The following RYR3 variants were observed in gnomAD, a reference collection of about 807,000 sequenced individuals.
RYR3 encodes the protein ryanodine receptor 3, also known as brain ryanodine receptor-calcium release channel.
A neutral mutation model predicts 584.3 loss-of-function variants in RYR3; 207 were observed. The observed-to-expected ratio is 0.35, with a 90% CI of 0.32 to 0.40. RYR3 has a LOEUF of 0.40. Ranked by LOEUF, RYR3 falls within the 10% of genes least tolerant of loss-of-function variation. The pLI, the probability that RYR3 is intolerant of heterozygous loss-of-function variation, is 1.00. For synonymous variants in RYR3, 2,416 were observed against 2,248.5 expected, an observed-to-expected ratio of 1.07 and a Z score of -2.11; for missense variants, 5,616 against 6,089.2, an observed-to-expected ratio of 0.92 and a Z score of 2.59.
intron 10 of RYR3, among the ~76,000 whole-genome samples, chr15:33,552,458 G>A (rs2056757540): frequency 6.6e-6 from 1 of 152,202 alleles, no homozygotes. Context: ...CATCGGCATA[G>A]CAGAGCTGGG....
chr15:33,494,919 T>G (rs1247735761), intron 2 of RYR3, among the ~76,000 whole-genome samples: 1 of 152,208 alleles, frequency 6.6e-6, no homozygotes, highest in African/African-American at 2.4e-5. Flanking sequence ...CTCAAAATCT[T>G]TAAAATCTGA....
intron 38 of RYR3, among the ~76,000 whole-genome samples, chr15:33,694,112 G>A (rs1050561390): frequency 6.6e-6 from 1 of 151,828 alleles, no homozygotes; most frequent in African/African-American, 2.4e-5. Context: ...TTTGGCCAGC[G>A]AACAAATCCT....
rs143373949 is a variant in RYR3 at position 33,711,235 on chromosome 15, A to ATT, written c.6619+4206_6619+4207dup. ...AGCAGCCATGCCACTTCTTTCTTTC[A>ATT]TTTTTTTTTTTTTTTTTTTTTTTTT... On this transcript the variant is annotated intron_variant, in intron 43 of 103. Coordinates refer to ENST00000634891, the MANE Select transcript of RYR3 (RefSeq NM_001036.6). Among the ~76,000 whole-genome samples the ATT allele has an allele frequency of 6.1e-3, 463 of 75,812 alleles. 41 individuals are homozygous for ATT. The highest frequency in any genetic ancestry group is 0.022 in the African/African-American group (419 of 18,778). The allele number at this position is 75,812 out of a possible 152,430, so 49.7% of individuals were successfully genotyped here.
intron 102 of RYR3, 124 bp downstream of exon 102, chr15:33,861,302 G>C: frequency 3.2e-6 from 2 of 627,230 alleles, no homozygotes; most frequent in South Asian, 1.8e-5. Flanking sequence ...GTCCCCATGA[G>C]CCTGTACCTT....
chr15:33,394,455 T>A (rs2042182467), intron 1 of RYR3, among the ~76,000 whole-genome samples: 1 of 152,192 alleles, frequency 6.6e-6, no homozygotes, highest in South Asian at 2.1e-4. Flanking sequence ...CCATGTGGTT[T>A]AGATTGGCCC....
intron 1 of RYR3, among the ~76,000 whole-genome samples, chr15:33,395,086 C>CGT (rs1371156274): frequency 6.6e-6 from 1 of 152,120 alleles, no homozygotes; most frequent in Non-Finnish European, 1.5e-5. Flanking sequence ...TAGACAATAC[C>CGT]GTGTGTTATT....
At chr15:33,823,309 C>CTGT (rs2077206356) in intron 81 of RYR3, among the ~76,000 whole-genome samples, 1 of 152,186 alleles carries the variant, frequency 6.6e-6, no homozygotes, top group African/African-American at 2.4e-5. Context: ...TCCCCCACTG[C>CTGT]TGTTGTGTTT....
intron 58 of RYR3, 87 bp from the exon 59 acceptor site, chr15:33,756,219 T>A (rs2071806980): frequency 1.1e-6 from 1 of 891,228 alleles, no homozygotes; most frequent in Non-Finnish European, 1.8e-6. Context: ...TAAATAGCCT[T>A]TAGAAAAGCT....
chr15:33,786,412 C>G (rs1034023031), intron 66 of RYR3, among the ~76,000 whole-genome samples: 3 of 152,052 alleles, frequency 2.0e-5, no homozygotes, highest in African/African-American at 7.2e-5. Flanking sequence ...TGTCACTCTG[C>G]ATTTGTATTT....
chr15:33,824,025 C>A (rs1471858241), intron 81 of RYR3, among the ~76,000 whole-genome samples: 3 of 151,986 alleles, frequency 2.0e-5, no homozygotes, highest in Non-Finnish European at 4.4e-5. Context: ...GGGCTTTTCC[C>A]CACCAACAGT....
In RYR3 at chr15:33,460,940, C is replaced by CTTTTTTTTT. The variant is rs66742049; in HGVS notation, c.52-12465_52-12457dup. Among the ~76,000 whole-genome samples the CTTTTTTTTT allele has an allele frequency of 7.9e-3, 625 of 79,166 alleles. 86 individuals are homozygous for CTTTTTTTTT. The highest frequency in any genetic ancestry group is 0.013 in the Middle Eastern group (1 of 80). The allele number at this position is 79,166 out of a possible 152,430, so 51.9% of individuals were successfully genotyped here. Reference sequence around the variant, plus strand: ...GGAATTTGTGGCACATAATATCCACCTTTTTTTTTTTTTTTTTTTTTTAAG... The same window carrying CTTTTTTTTT: ...GGAATTTGTGGCACATAATATCCACCTTTTTTTTTTTTTTTTTTTTTTTTTTTTTTTAAG... On this transcript the variant is annotated intron_variant, in intron 1 of 103. Transcript: ENST00000634891.
At chr15:33,441,350 G>T (rs2046216373) in intron 1 of RYR3, among the ~76,000 whole-genome samples, 1 of 152,068 alleles carries the variant, frequency 6.6e-6, no homozygotes, top group African/African-American at 2.4e-5. Flanking sequence ...TATAATGGGT[G>T]CTTTTTAGTC....
At chr15:33,736,210 C>T (rs776331264) in intron 48 of RYR3, 25 bp from the exon 49 acceptor site, 1 of 1,424,458 alleles carries the variant, frequency 7.0e-7, no homozygotes, top group Non-Finnish European at 9.9e-7. Context: ...TTTTATTTAT[C>T]TACGTTTGTC....
chr15:33,406,254 T>C (rs1262974427), intron 1 of RYR3, among the ~76,000 whole-genome samples: 2 of 152,178 alleles, frequency 1.3e-5, no homozygotes. Context: ...TTTACCACCT[T>C]CTCTGATTAG....
At chr15:33,768,588 G>C (rs938742244) in intron 60 of RYR3, 70 bp from the exon 61 acceptor site, 10 of 1,303,438 alleles carry the variant, frequency 7.7e-6, no homozygotes, top group Non-Finnish European at 8.9e-6. Context: ...AGGGACATTG[G>C]GGTGGGGGAT....
At chr15:33,425,373 A>G (rs1317364957) in intron 1 of RYR3, among the ~76,000 whole-genome samples, 1 of 152,156 alleles carries the variant, frequency 6.6e-6, no homozygotes, top group East Asian at 1.9e-4. Context: ...TCCTGTCGTC[A>G]TTGTATTTCC....
At chr15:33,460,754 A>C (rs1029041766) in intron 1 of RYR3, among the ~76,000 whole-genome samples, 1 of 151,966 alleles carries the variant, frequency 6.6e-6, no homozygotes, top group Non-Finnish European at 1.5e-5. Context: ...AGCTATCTGG[A>C]ACAGAATTTT....
At chr15:33,322,864 C>T (rs923488058) in intron 1 of RYR3, among the ~76,000 whole-genome samples, 3 of 151,276 alleles carry the variant, frequency 2.0e-5, no homozygotes, top group Non-Finnish European at 2.9e-5. Flanking sequence ...ATTCAGAATT[C>T]ACACTCTTGT....
In RYR3 at chr15:33,722,603, A is replaced by G. The variant is rs192950662; in HGVS notation, c.6620-112A>G. On this transcript the variant is annotated intron_variant, in intron 43 of 103. Coordinates refer to ENST00000634891, the MANE Select transcript of RYR3 (RefSeq NM_001036.6). ...CCCACTTGACTGGCCTAAACCAAAA[A>G]CAGAGTAGGTGATAAGCTGAACAAA... is the stretch of plus-strand genomic sequence containing the variant. The G allele has an allele frequency of 2.5e-4, 269 of 1,064,740 alleles. 3 individuals are homozygous for G. In the East Asian group the frequency reaches 5.3e-3, roughly 21 times the overall value. 66.0% of individuals were successfully genotyped at this position (1,064,740 alleles called of 1,614,324 possible). A position where few individuals can be genotyped will look rare whatever the true frequency, so the allele number is the denominator to read the frequency against.
Sources: gnomAD v4.1 joint callset for allele counts (sites outside exome capture counted in the v4.1 genomes callset) on GRCh38, gnomAD v4.1.1 for gene constraint, MANE v1.5 for transcripts, NCBI Gene and HGNC (gene_info 2026-07-23, HGNC 2026-07-21) for gene names.